Variants in ERG observed in about 807,000 individuals in gnomAD.
ERG encodes the protein transcriptional regulator ERG.
ERG carries 9 observed loss-of-function variants against 55.3 expected under a neutral mutation model. That is an observed-to-expected ratio of 0.16 (90% confidence interval 0.10 to 0.28). ERG has a LOEUF of 0.28. Among genes scored for constraint, ERG ranks in the 10% least tolerant of loss-of-function variants. ERG has a pLI of 1.00. For synonymous variants in ERG, 223 were observed against 237.3 expected (o/e 0.94, Z 0.55); for missense variants, 434 against 631.6 (o/e 0.69, Z 3.35).
downstream of ERG, among the ~76,000 whole-genome samples, chr21:38,376,210 G>A (rs1318148353): frequency 1.3e-5 from 2 of 152,216 alleles, no homozygotes; most frequent in Non-Finnish European, 2.9e-5. Flanking sequence ...TGAATGCACA[G>A]AGGCACAGAC....
intron 2 of ERG, among the ~76,000 whole-genome samples, chr21:38,554,303 C>A (rs2059844213): frequency 6.6e-6 from 1 of 152,182 alleles, no homozygotes; most frequent in African/African-American, 2.4e-5. Flanking sequence ...ATAGAACTAC[C>A]ATTCAACCCA....
chr21:38,540,136 T>TC (rs1181774456), intron 2 of ERG, among the ~76,000 whole-genome samples: 1 of 152,082 alleles, frequency 6.6e-6, no homozygotes, highest in Non-Finnish European at 1.5e-5. Context: ...CCTCAAGTGA[T>TC]CCACCCATCT....
chr21:38,539,868 T>C (rs950482372), intron 2 of ERG, among the ~76,000 whole-genome samples: 1 of 150,688 alleles, frequency 6.6e-6, no homozygotes, highest in Non-Finnish European at 1.5e-5. Context: ...ATCACAGAGG[T>C]ATAAAACAGC....
At position 38,380,941 on chromosome 21, in the gene ERG, T is replaced by C. The variant is rs1297011865; in HGVS notation, c.*2462A>G. On this transcript the variant is annotated 3_prime_UTR_variant, in exon 10 of 10. Coordinates refer to ENST00000288319, the MANE Select transcript of ERG (RefSeq NM_182918.4). Reference sequence around the variant, plus strand: ...CTTTGCATTCCAAAATAAAAATGACTGATCTTTTCCATTAGCACAGTTTGG... The same window carrying C: ...CTTTGCATTCCAAAATAAAAATGACCGATCTTTTCCATTAGCACAGTTTGG... The C allele has an allele frequency of 9.4e-7, 1 of 1,065,200 alleles. No individual in the cohort carries two copies. The highest frequency in any genetic ancestry group is 1.1e-6 in the Non-Finnish European group (1 of 879,260). The allele number at this position is 1,065,200 out of a possible 1,614,324, so 66.0% of individuals were successfully genotyped here.
chr21:38,661,438 G>A (rs2060555950), intron 1 of ERG, among the ~76,000 whole-genome samples: 1 of 152,140 alleles, frequency 6.6e-6, no homozygotes, highest in African/African-American at 2.4e-5. Flanking sequence ...GGGAGGAGCC[G>A]GATACAGCCG....
At chr21:38,636,170 A>T (rs180972330) in intron 1 of ERG, among the ~76,000 whole-genome samples, 1 of 152,170 alleles carries the variant, frequency 6.6e-6, no homozygotes, top group African/African-American at 2.4e-5. Flanking sequence ...GAAGAAGGAC[A>T]TGTTTGCTTC....
At chr21:38,423,247 T>C (rs1400482366) in intron 3 of ERG, among the ~76,000 whole-genome samples, 163 bp downstream of exon 3, 3 of 152,188 alleles carry the variant, frequency 2.0e-5, no homozygotes, top group African/African-American at 7.2e-5. Context: ...TCCGTGAACA[T>C]GTCCTCATGC....
chr21:38,474,731 AT>A (rs5843909), intron 1 of ERG, among the ~76,000 whole-genome samples: 133,668 of 147,128 alleles, frequency 0.91, 60,713 homozygotes, highest in South Asian at 0.94. Context: ...ACTTGGCTCC[AT>A]TTTTTTTTTT....
chr21:38,641,085 A>C (rs1164748001), intron 1 of ERG, among the ~76,000 whole-genome samples: 3 of 152,196 alleles, frequency 2.0e-5, no homozygotes, highest in Non-Finnish European at 1.5e-5. Context: ...AAGGCATAAA[A>C]TCCAGTTCTT....
chr21:38,639,428 A>T (rs551197954), intron 1 of ERG, among the ~76,000 whole-genome samples: 1 of 152,356 alleles, frequency 6.6e-6, no homozygotes, highest in Admixed American at 6.5e-5. Context: ...CATTAAAAAA[A>T]CAGTTAAAGA....
At chr21:38,594,108 CTA>C (rs1449250700) in intron 1 of ERG, among the ~76,000 whole-genome samples, 1 of 152,082 alleles carries the variant, frequency 6.6e-6, no homozygotes, top group Non-Finnish European at 1.5e-5. Context: ...GAAAATAGTT[CTA>C]TACCCATCGG....
At chr21:38,505,149 C>T (rs151128726) in intron 2 of ERG, among the ~76,000 whole-genome samples, 32 of 152,232 alleles carry the variant, frequency 2.1e-4, no homozygotes, top group African/African-American at 6.7e-4. Context: ...AGAAATGAAG[C>T]GAAGGCAAAA....
intron 1 of ERG, among the ~76,000 whole-genome samples, chr21:38,608,679 T>C (rs1169425987): frequency 6.6e-6 from 1 of 152,072 alleles, no homozygotes; most frequent in African/African-American, 2.4e-5. Flanking sequence ...ACATTCTGAA[T>C]TGTCTGAAAG....
intron 3 of ERG, among the ~76,000 whole-genome samples, chr21:38,415,405 C>T (rs2085453981): frequency 6.6e-6 from 1 of 152,058 alleles, no homozygotes; most frequent in Non-Finnish European, 1.5e-5. Context: ...TTTAGCCTCA[C>T]ATTTAACCCA....
intron 1 of ERG, among the ~76,000 whole-genome samples, chr21:38,644,175 G>A (rs909460307): frequency 6.6e-6 from 1 of 152,180 alleles, no homozygotes; most frequent in Non-Finnish European, 1.5e-5. Context: ...TGCAGAGCAG[G>A]GCAGCCACTG....
chr21:38,563,120 G>T (rs930764441), intron 2 of ERG, among the ~76,000 whole-genome samples: 1 of 152,206 alleles, frequency 6.6e-6, no homozygotes, highest in East Asian at 1.9e-4. Context: ...GGCCTAGGAG[G>T]TCGGGAGGGA....
intron 2 of ERG, among the ~76,000 whole-genome samples, chr21:38,532,944 G>T (rs559677190): frequency 3.4e-4 from 52 of 152,312 alleles, no homozygotes; most frequent in African/African-American, 1.2e-3. Context: ...GGTCAAAAAT[G>T]ATCTACTTGT....
rs556256520 is a variant in ERG, at chr21:38,403,823, C to T, written c.389-114G>A. On this transcript the variant is annotated intron_variant, in intron 3 of 9. Coordinates refer to ENST00000288319, the MANE Select transcript of ERG (RefSeq NM_182918.4). ...CAGCTGCCTTCCACAAGCACAGCCT[C>T]CAGCCAGCCTCCCTGGCTACCCAGG... The T allele has an allele frequency of 7.3e-6, 7 of 954,940 alleles. No individual in the cohort carries two copies. The South Asian group carries it at 1.0e-4, about 14-fold the overall frequency. 59.2% of individuals were successfully genotyped at this position (954,940 alleles called of 1,614,324 possible). A position where few individuals can be genotyped will look rare whatever the true frequency, so the allele number is the denominator to read the frequency against.
chr21:38,660,733 C>G (rs2060549009), intron 1 of ERG: 1 of 151,904 alleles, frequency 6.6e-6, no homozygotes, highest in South Asian at 2.1e-4. Context: ...GGGCGGCCGC[C>G]CCGACGCGCG....
Sources: allele counts gnomAD v4.1 joint callset (sites outside exome capture counted in the v4.1 genomes callset), GRCh38; gene constraint gnomAD v4.1.1; transcripts MANE v1.5; gene names NCBI Gene and HGNC (gene_info 2026-07-23, HGNC 2026-07-21).